Variants in AKAP7 observed in about 807,000 individuals in gnomAD.
AKAP7 encodes A-kinase anchoring protein 7, also known as A kinase (PRKA) anchor protein 7.
In AKAP7, 39 loss-of-function variants were observed where a neutral mutation model predicts 39.5. The ratio of observed to expected loss-of-function variants is 0.99; its 90% CI spans 0.76 to 1.29. The LOEUF is 1.29. Ranked by LOEUF, AKAP7 falls within the 50% of genes most tolerant of loss-of-function variation. The probability of loss-of-function intolerance (pLI) is 0.00; values close to 1 mark genes in which losing one functional copy is unlikely to be tolerated. For missense variants in AKAP7, 414 were observed against 407.7 expected (o/e 1.02, Z -0.13); for synonymous variants, 140 against 139.1 (o/e 1.01, Z -0.05).
intron 2 of AKAP7, among the ~76,000 whole-genome samples, chr6:131,152,845 A>T (rs1054173264): frequency 3.8e-5 from 5 of 131,348 alleles, no homozygotes; most frequent in African/African-American, 1.5e-4. Flanking sequence ...AAAAAAAAAA[A>T]AGTCCGGGCG....
intron 5 of AKAP7, among the ~76,000 whole-genome samples, chr6:131,169,915 G>T (rs1803868079): frequency 6.6e-6 from 1 of 151,666 alleles, no homozygotes; most frequent in Admixed American, 6.6e-5. Flanking sequence ...TCTATGCTTG[G>T]TCCACTTTTA....
intron 6 of AKAP7, among the ~76,000 whole-genome samples, chr6:131,217,162 C>T (rs1048859471): frequency 6.6e-6 from 1 of 152,122 alleles, no homozygotes; most frequent in African/African-American, 2.4e-5. Context: ...GCCTTTTTAG[C>T]TTTAAAATAT....
In AKAP7 at chr6:131,169,258, C is replaced by T; in HGVS notation, c.574C>T (p.Leu192Phe). The part of the protein sequence containing the change: ...KLAEGDHVNS[L>F]LEIAETANRT... Reference sequence around the variant, plus strand: ...GGCAGAAGGAGATCATGTAAACTCACTTTTGGAGATAGCAGGTAAAACAGC... The same window carrying T: ...GGCAGAAGGAGATCATGTAAACTCATTTTTGGAGATAGCAGGTAAAACAGC... The change falls in exon 5 of 8, where the codon CTT becomes TTT. Residue 192 changes from leucine to phenylalanine, a missense_variant. Coordinates refer to ENST00000431975, the MANE Select transcript of AKAP7 (RefSeq NM_016377.4). 1.2e-6 allele frequency: 2 copies of T among 1,613,864 alleles called. No homozygotes were observed. Among genetic ancestry groups the T allele is most frequent in the Non-Finnish European group, 1.7e-6 (2 of 1,179,914 alleles).
chr6:131,271,237 A>G (rs762246131), intron 7 of AKAP7, among the ~76,000 whole-genome samples: 6 of 151,968 alleles, frequency 3.9e-5, no homozygotes, highest in Non-Finnish European at 7.4e-5. Context: ...TAATTTTTAT[A>G]TTGGTGTAAG....
chr6:131,173,991 T>C (rs1804334612), intron 5 of AKAP7, among the ~76,000 whole-genome samples: 1 of 152,242 alleles, frequency 6.6e-6, no homozygotes, highest in South Asian at 2.1e-4. Context: ...AATATGAATA[T>C]AAGCCCGAAG....
intron 5 of AKAP7, among the ~76,000 whole-genome samples, chr6:131,179,618 A>G (rs1411142376): frequency 6.6e-6 from 1 of 152,218 alleles, no homozygotes; most frequent in African/African-American, 2.4e-5. Flanking sequence ...ACATAATCCC[A>G]GCACTCTGGG....
At chr6:131,185,156 G>T in intron 5 of AKAP7, 1 of 554,980 alleles carries the variant, frequency 1.8e-6, no homozygotes, top group Non-Finnish European at 3.5e-6. Flanking sequence ...TGTCCTGAGA[G>T]ATCAGCCCCT....
chr6:131,244,716 T>C (rs1265468828), intron 7 of AKAP7, among the ~76,000 whole-genome samples: 1 of 152,214 alleles, frequency 6.6e-6, no homozygotes, highest in Non-Finnish European at 1.5e-5. Flanking sequence ...ATGACTCTTG[T>C]GGATTGGTGA....
chr6:131,210,375 T>A (rs1808535411), intron 6 of AKAP7, among the ~76,000 whole-genome samples: 1 of 152,246 alleles, frequency 6.6e-6, no homozygotes, highest in South Asian at 2.1e-4. Context: ...TATCTGTAGT[T>A]GAGGACCTAA....
chr6:131,153,042 A>G (rs1482162089), intron 2 of AKAP7, among the ~76,000 whole-genome samples: 5 of 151,150 alleles, frequency 3.3e-5, no homozygotes, highest in Non-Finnish European at 7.4e-5. Context: ...AGGCAGGAGA[A>G]TGGCGTGAAC....
At chr6:131,156,581 A>T (rs964534420) in intron 2 of AKAP7, among the ~76,000 whole-genome samples, 6 of 152,082 alleles carry the variant, frequency 3.9e-5, no homozygotes, top group African/African-American at 1.4e-4. Context: ...TCGAGGTTAC[A>T]GTGAGCTATG....
At chr6:131,272,607 A>G (rs1161337991) in intron 7 of AKAP7, among the ~76,000 whole-genome samples, 2 of 152,172 alleles carry the variant, frequency 1.3e-5, no homozygotes, top group Non-Finnish European at 2.9e-5. Flanking sequence ...TTCATCTTTG[A>G]TTCATGGATT....
intron 7 of AKAP7, among the ~76,000 whole-genome samples, chr6:131,262,048 T>C (rs900590598): frequency 2.0e-5 from 3 of 152,054 alleles, no homozygotes; most frequent in African/African-American, 2.4e-5. Context: ...TAACACAGAA[T>C]AGGGACCGTC....
At chr6:131,228,443 C>T (rs927432245) in intron 7 of AKAP7, among the ~76,000 whole-genome samples, 7 of 152,138 alleles carry the variant, frequency 4.6e-5, no homozygotes, top group African/African-American at 1.2e-4. Flanking sequence ...ATATGTGCCT[C>T]ATTGTGCTTA....
chr6:131,274,899 T>C (rs1218878145), intron 7 of AKAP7, among the ~76,000 whole-genome samples: 2 of 147,946 alleles, frequency 1.4e-5, no homozygotes, highest in African/African-American at 5.3e-5. Context: ...GCCTGGAAAC[T>C]CTTATTCATT....
the AKAP7 span, among the ~76,000 whole-genome samples, chr6:131,129,516 T>C: frequency 3.3e-5 from 5 of 152,310 alleles, no homozygotes; most frequent in Admixed American, 2.6e-4. Flanking sequence ...TTTTATTCCA[T>C]AAGTTTTTCT....
At position 131,195,895 on chromosome 6, in the gene AKAP7, C is replaced by T. The variant is rs114316571; in HGVS notation, c.590-3566C>T. 7.3e-3 allele frequency among the ~76,000 whole-genome samples: 1,115 copies of T among 152,108 alleles called. 15 individuals carry two copies. Among genetic ancestry groups the T allele is most frequent in the African/African-American group, 0.025 (1,043 of 41,496 alleles). ...CCTTTCTTTATTCTTGACCTTTGGG[C>T]GTTTGATTATTAAATGCCTTTAGGT... On this transcript the variant is annotated intron_variant, in intron 5 of 7. Coordinates refer to ENST00000431975, the MANE Select transcript of AKAP7 (RefSeq NM_016377.4).
At chr6:131,189,140 C>T (rs949886173) in intron 5 of AKAP7, among the ~76,000 whole-genome samples, 2 of 152,132 alleles carry the variant, frequency 1.3e-5, no homozygotes, top group East Asian at 3.9e-4. Context: ...GGGAGCAGCT[C>T]GCTGCTGCTT....
At chr6:131,195,852 A>G (rs931674832) in intron 5 of AKAP7, among the ~76,000 whole-genome samples, 5 of 151,968 alleles carry the variant, frequency 3.3e-5, no homozygotes, top group Non-Finnish European at 7.4e-5. Context: ...GCTTCTTTTT[A>G]CTTGCTGCTT....
Sources: gnomAD v4.1 joint callset for allele counts (sites outside exome capture counted in the v4.1 genomes callset) on GRCh38, gnomAD v4.1.1 for gene constraint, MANE v1.5 for transcripts, NCBI Gene and HGNC (gene_info 2026-07-23, HGNC 2026-07-21) for gene names.